LRP1B: variants seen among roughly 807,000 people sequenced by gnomAD.
LRP1B encodes the protein LDL receptor related protein 1B.
In LRP1B, 217 loss-of-function variants were observed where a neutral mutation model predicts 556.6. The observed-to-expected ratio is 0.39, with a 90% confidence interval of 0.35 to 0.44. The LOEUF is 0.44. Ranked by LOEUF, LRP1B falls within the 20% of genes least tolerant of loss-of-function variation. The pLI is 1.00. For synonymous variants in LRP1B, 2,047 were observed against 1,865.8 expected (o/e 1.10, Z -2.50); for missense variants, 5,053 against 5,620.8 (o/e 0.90, Z 3.23).
intron 15 of LRP1B, among the ~76,000 whole-genome samples, chr2:140,999,090 G>C (rs1697336544): frequency 6.6e-6 from 1 of 151,884 alleles, no homozygotes; most frequent in Non-Finnish European, 1.5e-5. Flanking sequence ...ACATATCTTT[G>C]AAAAACCTTT....
At chr2:141,818,683 C>A (rs747924926) in intron 1 of LRP1B, among the ~76,000 whole-genome samples, 1 of 151,238 alleles carries the variant, frequency 6.6e-6, no homozygotes, top group African/African-American at 2.4e-5. Flanking sequence ...ACTACAGGCG[C>A]CTGCCACCAC....
At chr2:140,472,499 G>C (rs1326809268) in intron 60 of LRP1B, among the ~76,000 whole-genome samples, 1 of 151,994 alleles carries the variant, frequency 6.6e-6, no homozygotes, top group African/African-American at 2.4e-5. Flanking sequence ...ATGTATTTTG[G>C]AATTTCTTGT....
chr2:140,548,517 C>G (rs1680429822), intron 43 of LRP1B, among the ~76,000 whole-genome samples: 1 of 152,108 alleles, frequency 6.6e-6, no homozygotes. Flanking sequence ...TTAATATACT[C>G]TAACATTAAA....
intron 1 of LRP1B, among the ~76,000 whole-genome samples, chr2:141,874,393 T>C (rs1698690282): frequency 2.0e-4 from 2 of 9,792 alleles, no homozygotes; most frequent in African/African-American, 4.0e-4. Flanking sequence ...TTTGGTTGAA[T>C]GACAAACCAA....
At chr2:140,971,890 C>T (rs186497385) in intron 18 of LRP1B, among the ~76,000 whole-genome samples, 1 of 152,284 alleles carries the variant, frequency 6.6e-6, no homozygotes, top group African/African-American at 2.4e-5. Flanking sequence ...TTCCTGGACT[C>T]CATCCAAGAC....
At chr2:141,738,884 A>G (rs1462131320) in intron 2 of LRP1B, among the ~76,000 whole-genome samples, 1 of 152,176 alleles carries the variant, frequency 6.6e-6, no homozygotes, top group Admixed American at 6.5e-5. Context: ...TAAAATATGT[A>G]AAAGGCAACA....
chr2:141,621,080 T>C (rs1252430595), intron 2 of LRP1B, among the ~76,000 whole-genome samples: 2 of 152,212 alleles, frequency 1.3e-5, no homozygotes, highest in East Asian at 1.9e-4. Flanking sequence ...AGTAAAATGT[T>C]AAGATTGTCT....
chr2:140,541,945 A>C lies in LRP1B; in HGVS notation c.7221T>G (p.Thr2407=), dbSNP rs933976245. Residue 2407 remains threonine (T), a synonymous_variant, in exon 44 of 91, where the codon ACT becomes ACG. Coordinates refer to ENST00000389484, the MANE Select transcript of LRP1B (RefSeq NM_018557.3). ...RHVIVKSGPG[T]FLSLAVYDNY... ...TGTCATAAACAGCCAAACTGAGGAA[A>C]GTCCCTGGCCCAGATTTAACTATCA... is the stretch of plus-strand genomic sequence containing the variant. 7.5e-6 allele frequency: 12 copies of C among 1,608,330 alleles called. No individual in the cohort carries two copies. The highest frequency in any genetic ancestry group is 2.6e-6 in the Non-Finnish European group (3 of 1,176,370).
rs536440892 is a variant in LRP1B, at chr2:140,592,658, A to G, written c.7194+5973T>C. 2.0e-5 allele frequency among the ~76,000 whole-genome samples: 3 copies of G among 152,160 alleles called. No individual in the cohort carries two copies. In the East Asian group the frequency reaches 5.8e-4, roughly 29 times the overall value. The stretch of plus-strand genomic sequence containing the variant: ...AAGACAGCGTAGATATATAGATAAG[A>G]AAGATAGAAGATAGGTAAATATATA... On this transcript the variant is annotated intron_variant, in intron 43 of 90. Coordinates refer to ENST00000389484, the MANE Select transcript of LRP1B (RefSeq NM_018557.3).
chr2:141,052,776 T>C (rs1293223286), intron 10 of LRP1B, among the ~76,000 whole-genome samples: 1 of 151,978 alleles, frequency 6.6e-6, no homozygotes, highest in African/African-American at 2.4e-5. Flanking sequence ...TAGCTGGGTC[T>C]ACAGGAGTGT....
chr2:141,075,314 T>C (rs558741571), intron 7 of LRP1B, among the ~76,000 whole-genome samples: 3 of 152,292 alleles, frequency 2.0e-5, no homozygotes, highest in African/African-American at 4.8e-5. Context: ...AAGAGTTCAA[T>C]TGAGTAAAAA....
chr2:140,253,165 T>C (rs540317320), intron 86 of LRP1B, among the ~76,000 whole-genome samples: 1 of 152,136 alleles, frequency 6.6e-6, no homozygotes, highest in South Asian at 2.1e-4. Context: ...CTAAAATGCC[T>C]AGTTTTAAAC....
chr2:140,525,753 A>G (rs1051930161), intron 49 of LRP1B, 91 bp downstream of exon 49: 18 of 1,168,492 alleles, frequency 1.5e-5, no homozygotes, highest in Non-Finnish European at 2.2e-5. Flanking sequence ...AATTGATATT[A>G]AGAATAAAAT....
Position 141,853,338 on chromosome 2 carries a change from G to A in LRP1B, c.83-42937C>T, listed in dbSNP as rs1219578233. ...AGTTATAACGGTTATGAAGAATCAC[G>A]CAATAGAAAAAATAATGATATGTAC... On this transcript the variant is annotated intron_variant, in intron 1 of 90. Coordinates refer to ENST00000389484, the MANE Select transcript of LRP1B (RefSeq NM_018557.3). Among the ~76,000 whole-genome samples the A allele has an allele frequency of 6.6e-5, 10 of 151,402 alleles. No homozygotes were observed. The South Asian group carries it at 1.0e-3, about 16-fold the overall frequency.
At chr2:140,365,827 T>C (rs1682736568) in intron 71 of LRP1B, among the ~76,000 whole-genome samples, 3 of 151,680 alleles carry the variant, frequency 2.0e-5, no homozygotes, top group Non-Finnish European at 4.4e-5. Flanking sequence ...TTAACATATT[T>C]AAACACACAT....
At chr2:141,135,731 C>T (rs1451347230) in intron 7 of LRP1B, among the ~76,000 whole-genome samples, 1 of 151,894 alleles carries the variant, frequency 6.6e-6, no homozygotes, top group African/African-American at 2.4e-5. Context: ...TATTGGACCC[C>T]TTTGAATTTT....
rs138863345 is a variant in LRP1B at position 141,005,372 on chromosome 2, A to G, written c.2466T>C (p.Asp822=). Residue 822 remains aspartate (D), a synonymous_variant, in exon 15 of 91, where the codon GAT becomes GAC. Transcript: ENST00000389484. The stretch of plus-strand genomic sequence containing the variant: ...TCCCATTTTCATCCAAAAGTTGATT[A>G]TCGGCACAAGCACACACCCGGCCTC... The part of the protein sequence containing the change: ...IPGGRVCACA[D]NQLLDENGTT... 2 of 1,610,420 alleles carry G rather than the reference A, an allele frequency of 1.2e-6. No individual in the cohort carries two copies. Among genetic ancestry groups the G allele is most frequent in the Non-Finnish European group, 1.7e-6 (2 of 1,177,590 alleles).
intron 43 of LRP1B, among the ~76,000 whole-genome samples, chr2:140,547,948 C>T (rs1307636050): frequency 2.7e-5 from 4 of 149,854 alleles, no homozygotes; most frequent in African/African-American, 9.8e-5. Flanking sequence ...GTTACTTTTC[C>T]CTGTAATCAG....
At chr2:140,808,174 C>G (rs987095144) in intron 32 of LRP1B, among the ~76,000 whole-genome samples, 25 of 105,012 alleles carry the variant, frequency 2.4e-4, no homozygotes, top group African/African-American at 7.4e-4. Context: ...TTTTATCTAG[C>G]AACTTGAAAG....
Sources: gnomAD v4.1 joint callset for allele counts (sites outside exome capture counted in the v4.1 genomes callset) on GRCh38, gnomAD v4.1.1 for gene constraint, MANE v1.5 for transcripts, NCBI Gene and HGNC (gene_info 2026-07-23, HGNC 2026-07-21) for gene names.